The following SNAP23 variants were observed in gnomAD, a reference collection of about 807,000 sequenced individuals.
SNAP23 encodes synaptosome associated protein 23, also known as synaptosomal-associated protein 23.
A neutral mutation model predicts 29.0 loss-of-function variants in SNAP23; 11 were observed. The observed-to-expected ratio is 0.38, with a 90% CI of 0.24 to 0.63. The LOEUF (loss-of-function observed/expected upper bound fraction) is 0.63, where lower values mean the gene tolerates loss of function less well. SNAP23 is among the 20% of genes least tolerant of loss of function. The probability of loss-of-function intolerance (pLI) is 0.58; values close to 1 mark genes in which losing one functional copy is unlikely to be tolerated. For synonymous variants in SNAP23, 60 were observed against 82.9 expected, an observed-to-expected ratio of 0.72 and a Z score of 1.50; for missense variants, 220 against 253.9, an observed-to-expected ratio of 0.87 and a Z score of 0.91.
At chr15:42,496,610 C>T (rs1024188593) in intron 1 of SNAP23, among the ~76,000 whole-genome samples, 1 of 151,518 alleles carries the variant, frequency 6.6e-6, no homozygotes, top group African/African-American at 2.4e-5. Flanking sequence ...CCAGCTACTC[C>T]GGAGGCTGAG....
rs1341637406 is a variant in SNAP23, at chr15:42,512,974, G to A, written c.77G>A (p.Arg26Lys). 5 of 1,612,038 alleles carry A rather than the reference G, an allele frequency of 3.1e-6. No homozygotes were observed. The highest frequency in any genetic ancestry group is 3.4e-6 in the Non-Finnish European group (4 of 1,178,250). ...ITDESLESTRRILGLAIESQD... is the reference protein window; with the variant it reads ...ITDESLESTRKILGLAIESQD... Reference sequence around the variant, plus strand: ...TCCTAGTCTCTGGAAAGTACGAGGAGAATCCTGGGTTTAGCCATTGAGGTA... The same window carrying A: ...TCCTAGTCTCTGGAAAGTACGAGGAAAATCCTGGGTTTAGCCATTGAGGTA... The change falls in exon 3 of 8, where the codon AGA becomes AAA. Residue 26 changes from arginine to lysine, a missense_variant. By Grantham distance (26) the Arg-to-Lys change is conservative (BLOSUM62 2). Transcript: ENST00000249647.
At chr15:42,520,296 A>T (rs2057434395) in intron 5 of SNAP23, among the ~76,000 whole-genome samples, 2 of 151,480 alleles carry the variant, frequency 1.3e-5, no homozygotes, top group Non-Finnish European at 2.9e-5. Context: ...TGATCCATCC[A>T]CCTCGGCCTC....
chr15:42,529,002 A>T (rs1434189691), intron 6 of SNAP23, among the ~76,000 whole-genome samples: 2 of 152,218 alleles, frequency 1.3e-5, no homozygotes, highest in African/African-American at 2.4e-5. Context: ...ATATAGAAAA[A>T]AATAGGTTTT....
chr15:42,502,903 G>A (rs755728278), intron 1 of SNAP23, among the ~76,000 whole-genome samples: 14 of 152,162 alleles, frequency 9.2e-5, no homozygotes, highest in Non-Finnish European at 1.2e-4. Context: ...AAGACCAGGC[G>A]TTGGACATCA....
intron 1 of SNAP23, among the ~76,000 whole-genome samples, chr15:42,502,211 A>C (rs1567042136): frequency 7.6e-6 from 1 of 131,536 alleles, no homozygotes; most frequent in Non-Finnish European, 1.6e-5. Context: ...GTTTTTTAGT[A>C]GAGACGGTTT....
upstream of SNAP23, chr15:42,495,208 G>T: frequency 6.6e-6 from 1 of 152,290 alleles, no homozygotes; most frequent in African/African-American, 2.4e-5. Context: ...CTTCCTCCGG[G>T]AACCCTTCCA....
rs765139961 is a variant in SNAP23, at chr15:42,513,396, T to C, written c.100-3T>C. The C allele has an allele frequency of 6.2e-7, 1 of 1,613,500 alleles. No homozygotes were observed. On this transcript the variant is annotated splice_region_variant and splice_polypyrimidine_tract_variant and intron_variant, in intron 3 of 7. Coordinates refer to ENST00000249647, the MANE Select transcript of SNAP23 (RefSeq NM_003825.4). ...ACTATCAGCTTTTCCCCCCTTGTCT[T>C]AGTCTCAGGATGCAGGAATCAAGAC...
intron 5 of SNAP23, among the ~76,000 whole-genome samples, chr15:42,520,558 G>A (rs554878563): frequency 6.6e-6 from 1 of 151,742 alleles, no homozygotes; most frequent in South Asian, 2.1e-4. Flanking sequence ...GCAGTGGCAC[G>A]ATCTCGGCTC....
intron 1 of SNAP23, among the ~76,000 whole-genome samples, chr15:42,508,251 A>C (rs1410519428): frequency 6.7e-6 from 1 of 148,882 alleles, no homozygotes; most frequent in Admixed American, 6.7e-5. Context: ...TGACAGAGTG[A>C]AGCCTTGCCT....
At position 42,532,086 on chromosome 15, in the gene SNAP23, T is replaced by C. The variant is rs1258364509; in HGVS notation, c.*608T>C. 1.3e-5 allele frequency: 2 copies of C among 151,800 alleles called. No homozygotes were observed. Among genetic ancestry groups the C allele is most frequent in the Non-Finnish European group, 2.9e-5 (2 of 67,946 alleles). The allele number at this position is 151,800 out of a possible 1,614,324, so 9.4% of individuals were successfully genotyped here. On this transcript the variant is annotated 3_prime_UTR_variant, in exon 8 of 8. Coordinates refer to ENST00000249647, the MANE Select transcript of SNAP23 (RefSeq NM_003825.4). Reference sequence around the variant, plus strand: ...GCTCCAAAGAGAAAAATAGAATGAGTTTTCTTTCTTTTTTTTTTTTTTGGA... The same window carrying C: ...GCTCCAAAGAGAAAAATAGAATGAGCTTTCTTTCTTTTTTTTTTTTTTGGA...
intron 4 of SNAP23, among the ~76,000 whole-genome samples, chr15:42,513,741 C>T (rs1474698190): frequency 6.6e-6 from 1 of 152,134 alleles, no homozygotes; most frequent in Non-Finnish European, 1.5e-5. Context: ...GCTGGGATTA[C>T]AGGCACCTGC....
chr15:42,530,740 A>T (rs1361792402), intron 7 of SNAP23, among the ~76,000 whole-genome samples: 3 of 152,066 alleles, frequency 2.0e-5, no homozygotes, highest in African/African-American at 4.8e-5. Flanking sequence ...ACAGAGTGAG[A>T]CCCTTTCTCA....
intron 1 of SNAP23, among the ~76,000 whole-genome samples, chr15:42,500,979 A>G (rs1451409579): frequency 1.3e-5 from 2 of 152,174 alleles, no homozygotes; most frequent in Non-Finnish European, 2.9e-5. Context: ...ACTTAGATGT[A>G]AAGTTTGTTT....
At chr15:42,503,559 G>A (rs750325322) in intron 1 of SNAP23, among the ~76,000 whole-genome samples, 2 of 152,004 alleles carry the variant, frequency 1.3e-5, no homozygotes, top group Non-Finnish European at 2.9e-5. Context: ...TAGTAGAGAC[G>A]GGGTTTTGCC....
At chr15:42,499,191 C>G (rs2057247973) in intron 1 of SNAP23, among the ~76,000 whole-genome samples, 1 of 151,978 alleles carries the variant, frequency 6.6e-6, no homozygotes, top group East Asian at 1.9e-4. Context: ...GCCTCAGCCT[C>G]CCGAGTAGCT....
At chr15:42,527,021 A>T (rs191611289) in intron 5 of SNAP23, among the ~76,000 whole-genome samples, 151 of 152,082 alleles carry the variant, frequency 9.9e-4, no homozygotes, top group African/African-American at 3.5e-3. Context: ...TATTTTTAGT[A>T]GAGATGGGGT....
chr15:42,503,795 G>A (rs776749294), intron 1 of SNAP23, among the ~76,000 whole-genome samples: 7 of 152,128 alleles, frequency 4.6e-5, no homozygotes, highest in Non-Finnish European at 8.8e-5. Flanking sequence ...GAGCCACTGC[G>A]CCTGGCCTGA....
intron 1 of SNAP23, among the ~76,000 whole-genome samples, chr15:42,501,502 T>G (rs1299948700): frequency 6.6e-6 from 1 of 152,138 alleles, no homozygotes; most frequent in Non-Finnish European, 1.5e-5. Context: ...TGAGCTCAAG[T>G]GATCCCCCTG....
chr15:42,522,329 T>G lies in SNAP23; in HGVS notation c.267-5933T>G, dbSNP rs538916830. Among the ~76,000 whole-genome samples, 5 of 152,340 alleles carry G rather than the reference T, an allele frequency of 3.3e-5. 1 individual carries two copies. The South Asian group carries it at 6.2e-4, about 19-fold the overall frequency. On this transcript the variant is annotated intron_variant, in intron 5 of 7. Coordinates refer to ENST00000249647, the MANE Select transcript of SNAP23 (RefSeq NM_003825.4). ...ATGTTATAAACTATTCTATAATTCC[T>G]GTTACATCATGTGTTAACTTGCTGT...
Sources: gnomAD v4.1 joint callset for allele counts (sites outside exome capture counted in the v4.1 genomes callset) on GRCh38, gnomAD v4.1.1 for gene constraint, MANE v1.5 for transcripts, NCBI Gene and HGNC (gene_info 2026-07-23, HGNC 2026-07-21) for gene names.